The following LIMCH1 variants were observed in gnomAD, a reference collection of about 807,000 sequenced individuals.
LIMCH1 encodes the protein LIM and calponin homology domains 1.
LIMCH1 carries 113 observed loss-of-function variants against 176.5 expected under a neutral mutation model. The observed-to-expected ratio is 0.64, with a 90% CI of 0.55 to 0.75. The LOEUF (loss-of-function observed/expected upper bound fraction) is 0.75. LIMCH1 is among the 30% of genes least tolerant of loss of function. The pLI is 0.00. For missense variants in LIMCH1, 1,674 were observed against 1,814.9 expected (o/e 0.92, Z 1.41); for synonymous variants, 619 against 645.9 (o/e 0.96, Z 0.63).
intron 1 of LIMCH1, among the ~76,000 whole-genome samples, chr4:41,571,894 T>A (rs2083621337): frequency 6.6e-6 from 1 of 152,176 alleles, no homozygotes. Flanking sequence ...ATTAGGTATT[T>A]ACCAGAGCCT....
At chr4:41,455,507 T>A (rs1022113428) in intron 1 of LIMCH1, among the ~76,000 whole-genome samples, 1 of 152,224 alleles carries the variant, frequency 6.6e-6, no homozygotes, top group Non-Finnish European at 1.5e-5. Context: ...TTTCATTGTT[T>A]CTTTCTAATC....
chr4:41,593,287 G>T (rs1485816134), intron 1 of LIMCH1, among the ~76,000 whole-genome samples: 1 of 152,208 alleles, frequency 6.6e-6, no homozygotes, highest in African/African-American at 2.4e-5. Flanking sequence ...ATAAACAGTG[G>T]TATAAATTCA....
chr4:41,461,645 G>A (rs1357542672), intron 1 of LIMCH1, among the ~76,000 whole-genome samples: 2 of 152,162 alleles, frequency 1.3e-5, no homozygotes, highest in East Asian at 3.8e-4. Flanking sequence ...GTTTACTGGG[G>A]TTGTGTTGAG....
intron 1 of LIMCH1, among the ~76,000 whole-genome samples, chr4:41,416,657 C>CAA (rs35372522): frequency 5.5e-4 from 24 of 43,640 alleles, no homozygotes; most frequent in African/African-American, 9.9e-4. Context: ...GATTCCATCT[C>CAA]AAAAACAAAA....
chr4:41,682,926 C>T (rs1001613074), intron 26 of LIMCH1, among the ~76,000 whole-genome samples: 4 of 152,150 alleles, frequency 2.6e-5, no homozygotes, highest in African/African-American at 9.7e-5. Context: ...ATCCACCTGC[C>T]TCTACCTCCT....
At chr4:41,486,615 C>T (rs1227425106) in intron 1 of LIMCH1, among the ~76,000 whole-genome samples, 1 of 152,106 alleles carries the variant, frequency 6.6e-6, no homozygotes, top group East Asian at 1.9e-4. Context: ...GGTCTTCCCT[C>T]TGTGGTTCTG....
chr4:41,662,131 C>A (rs183638775), intron 19 of LIMCH1, among the ~76,000 whole-genome samples: 1 of 152,164 alleles, frequency 6.6e-6, no homozygotes, highest in East Asian at 1.9e-4. Context: ...CCAGTGTTTA[C>A]CACTTGAGAA....
intron 1 of LIMCH1, among the ~76,000 whole-genome samples, chr4:41,571,755 A>T (rs1054264600): frequency 6.6e-6 from 1 of 152,162 alleles, no homozygotes; most frequent in African/African-American, 2.4e-5. Flanking sequence ...GCAGGTAATG[A>T]CAAGATTCAA....
intron 7 of LIMCH1, among the ~76,000 whole-genome samples, chr4:41,621,110 C>G (rs907620636): frequency 1.3e-5 from 2 of 152,202 alleles, no homozygotes; most frequent in African/African-American, 2.4e-5. Flanking sequence ...GGAACACTCT[C>G]TTTAGAGAGT....
At chr4:41,592,173 C>T (rs1040348094) in intron 1 of LIMCH1, among the ~76,000 whole-genome samples, 1 of 152,232 alleles carries the variant, frequency 6.6e-6, no homozygotes, top group Non-Finnish European at 1.5e-5. Flanking sequence ...GTGCACCTGG[C>T]ATCTCTGAAT....
intron 1 of LIMCH1, among the ~76,000 whole-genome samples, chr4:41,473,649 G>A (rs6824853): frequency 0.49 from 75,186 of 152,070 alleles, 22,114 homozygotes; most frequent in African/African-American, 0.83. Context: ...GGTCTGGGCA[G>A]TGATTTCTTG....
At chr4:41,465,098 C>T (rs1423736003) in intron 1 of LIMCH1, among the ~76,000 whole-genome samples, 1 of 152,126 alleles carries the variant, frequency 6.6e-6, no homozygotes, top group Non-Finnish European at 1.5e-5. Flanking sequence ...TTCCTAGGAG[C>T]CCAGAACTAA....
At chr4:41,541,416 A>G (rs2078632452) in intron 1 of LIMCH1, among the ~76,000 whole-genome samples, 2 of 152,154 alleles carry the variant, frequency 1.3e-5, no homozygotes, top group Admixed American at 6.5e-5. Flanking sequence ...TTGGAAATAC[A>G]AGGATATGTA....
chr4:41,502,935 A>ACACACACACACACACG (rs1202252006), intron 2 of LIMCH1, among the ~76,000 whole-genome samples: 12 of 151,860 alleles, frequency 7.9e-5, no homozygotes, highest in African/African-American at 2.9e-4. Flanking sequence ...ACACACACAC[A>ACACACACACACACACG]CACCCCAGGT....
intron 2 of LIMCH1, among the ~76,000 whole-genome samples, chr4:41,502,607 C>T (rs965711672): frequency 3.9e-5 from 6 of 152,122 alleles, no homozygotes; most frequent in South Asian, 2.1e-4. Context: ...TTCTGACTGG[C>T]GTGAGACGAT....
intron 1 of LIMCH1, among the ~76,000 whole-genome samples, chr4:41,576,641 T>C (rs2084515756): frequency 6.6e-6 from 1 of 152,180 alleles, no homozygotes; most frequent in South Asian, 2.1e-4. Context: ...ACAGTCTTTG[T>C]TTATGTCTGT....
intron 1 of LIMCH1, among the ~76,000 whole-genome samples, chr4:41,419,818 C>G (rs1207456160): frequency 6.6e-6 from 1 of 151,322 alleles, no homozygotes; most frequent in Non-Finnish European, 1.5e-5. Context: ...TTCTTCCCTT[C>G]CCTCTTCCCT....
At chr4:41,369,312 C>T (rs754800978) in intron 1 of LIMCH1, among the ~76,000 whole-genome samples, 24 of 151,992 alleles carry the variant, frequency 1.6e-4, no homozygotes, top group African/African-American at 4.6e-4. Flanking sequence ...TCTGGGAAAC[C>T]CTTTCTGACA....
At chr4:41,551,851 C>T (rs1003429011) in intron 1 of LIMCH1, among the ~76,000 whole-genome samples, 7 of 152,114 alleles carry the variant, frequency 4.6e-5, no homozygotes, top group African/African-American at 1.7e-4. Flanking sequence ...GAAATGTGTA[C>T]TATTTGGCCC....
Sources: allele counts gnomAD v4.1 joint callset (sites outside exome capture counted in the v4.1 genomes callset), GRCh38; gene constraint gnomAD v4.1.1; transcripts MANE v1.5; gene names NCBI Gene and HGNC (gene_info 2026-07-23, HGNC 2026-07-21).